Variants in SLC26A7 observed in about 807,000 individuals in gnomAD.
SLC26A7 encodes solute carrier family 26 member 7.
A neutral mutation model predicts 82.5 loss-of-function variants in SLC26A7; 59 were observed. The observed-to-expected ratio is 0.72, with a 90% CI of 0.58 to 0.89. The LOEUF (loss-of-function observed/expected upper bound fraction) is 0.89, where lower values mean the gene tolerates loss of function less well. Ranked by LOEUF, SLC26A7 falls within the 40% of genes least tolerant of loss-of-function variation. The pLI is 0.00. For synonymous variants in SLC26A7, 271 were observed against 274.3 expected, an observed-to-expected ratio of 0.99 and a Z score of 0.12; for missense variants, 820 against 793.0, an observed-to-expected ratio of 1.03 and a Z score of -0.41.
chr8:91,267,656 G>A (rs1418800930), intron 2 of SLC26A7, among the ~76,000 whole-genome samples: 8 of 151,324 alleles, frequency 5.3e-5, no homozygotes, highest in Non-Finnish European at 1.0e-4. Context: ...TTTCTGCTTG[G>A]TTAATCTAGC....
At chr8:91,271,308 G>T (rs997004254) in intron 2 of SLC26A7, among the ~76,000 whole-genome samples, 1 of 151,994 alleles carries the variant, frequency 6.6e-6, no homozygotes, top group Non-Finnish European at 1.5e-5. Flanking sequence ...ATATTCTCTT[G>T]TATACACCAT....
intron 2 of SLC26A7, among the ~76,000 whole-genome samples, chr8:91,234,819 ACCTACCTACTTCCTTCCTTC>A (rs1387828356): frequency 3.8e-5 from 4 of 104,386 alleles, no homozygotes; most frequent in African/African-American, 4.8e-5. Context: ...CTACCTACCT[ACCTACCTACTTCCTTCCTTC>A]CTTCCTTCCT....
intron 5 of SLC26A7, among the ~76,000 whole-genome samples, chr8:91,324,658 A>G (rs1056105353): frequency 6.6e-6 from 1 of 152,204 alleles, no homozygotes; most frequent in African/African-American, 2.4e-5. Flanking sequence ...TTATTGAAAC[A>G]CTGAGGAGGG....
At chr8:91,266,481 T>C (rs1490215189) in intron 2 of SLC26A7, among the ~76,000 whole-genome samples, 2 of 152,010 alleles carry the variant, frequency 1.3e-5, no homozygotes, top group Non-Finnish European at 2.9e-5. Flanking sequence ...TATTTTATTT[T>C]ATTTTTGTAG....
In SLC26A7 at chr8:91,395,088, T is replaced by C. The variant is rs1286827518; in HGVS notation, c.1962T>C (p.Ser654=). The change falls in exon 19 of 19, where the codon AGT becomes AGC. Residue 654 remains serine (S), a synonymous_variant. Transcript: ENST00000276609. ...NKNLSKLSDH[S]EV is the part of the protein sequence containing the mutation. ...ATTTGAGCAAACTCAGTGACCACAG[T>C]GAAGTCTGAGACCCTTTTGTCACAG... is the stretch of plus-strand genomic sequence containing the variant. The C allele has an allele frequency of 3.1e-6, 5 of 1,613,338 alleles. No homozygotes were observed. The African/African-American group carries it at 6.7e-5, about 22-fold the overall frequency.
At chr8:91,338,072 A>T in intron 6 of SLC26A7, 78 bp from the exon 7 acceptor site, 1 of 875,276 alleles carries the variant, frequency 1.1e-6, no homozygotes, top group Non-Finnish European at 1.7e-6. Context: ...AACAATGTTT[A>T]CTTTTAAAAA....
Position 91,363,518 on chromosome 8 carries a change from G to A in SLC26A7, c.1468G>A (p.Val490Met), listed in dbSNP as rs145295424. The change falls in exon 13 of 19, where the codon GTG becomes ATG. Residue 490 changes from valine to methionine, a missense_variant. Val to Met is a conservative substitution (Grantham distance 21, BLOSUM62 1). Transcript: ENST00000276609. Reference protein sequence around the residue: ...IKNMKEMEFKVKTEMDSETLQ... With the variant: ...IKNMKEMEFKMKTEMDSETLQ... The stretch of plus-strand genomic sequence containing the variant: ...AAATATGAAAGAAATGGAATTTAAA[G>A]TGAAGACAGAAATGGACAGTGTAAG... 4 of 1,501,022 alleles carry A rather than the reference G, an allele frequency of 2.7e-6. No individual in the cohort carries two copies. Among genetic ancestry groups the A allele is most frequent in the African/African-American group, 2.8e-5 (2 of 71,376 alleles). 93.0% of individuals were successfully genotyped at this position (1,501,022 alleles called of 1,614,324 possible).
intron 14 of SLC26A7, among the ~76,000 whole-genome samples, chr8:91,367,460 C>G (rs1007178484): frequency 2.6e-5 from 4 of 152,124 alleles, no homozygotes; most frequent in Admixed American, 2.6e-4. Flanking sequence ...TTTATACTGT[C>G]AATTAACAGT....
intron 4 of SLC26A7, among the ~76,000 whole-genome samples, chr8:91,306,498 T>G (rs1197648655): frequency 6.6e-6 from 1 of 152,106 alleles, no homozygotes; most frequent in Non-Finnish European, 1.5e-5. Context: ...GTGGAGAGGA[T>G]TTTCTTTTCT....
intron 2 of SLC26A7, among the ~76,000 whole-genome samples, chr8:91,275,347 G>T (rs1811379604): frequency 6.6e-6 from 1 of 152,142 alleles, no homozygotes; most frequent in Admixed American, 6.5e-5. Context: ...TGCCCAGGCT[G>T]GAGTGCAGAG....
chr8:91,397,920 A>G lies in SLC26A7; in HGVS notation c.*2823A>G, dbSNP rs561379964. ...TTGTGGGATGATAATCTAATTCAGT[A>G]TAGAATATGCTGTTTGGCAATGAGT... is the stretch of plus-strand genomic sequence containing the variant. On this transcript the variant is annotated 3_prime_UTR_variant, in exon 19 of 19. Transcript: ENST00000276609. The G allele has an allele frequency of 6.5e-4, 99 of 152,676 alleles. 1 individual carries two copies. Among genetic ancestry groups the G allele is most frequent in the African/African-American group, 2.4e-3 (98 of 41,578 alleles). 9.5% of individuals were successfully genotyped at this position (152,676 alleles called of 1,614,324 possible). A position where few individuals can be genotyped will look rare whatever the true frequency, so the allele number is the denominator to read the frequency against.
At chr8:91,228,701 A>G (rs1331679466) in intron 2 of SLC26A7, among the ~76,000 whole-genome samples, 2 of 152,332 alleles carry the variant, frequency 1.3e-5, no homozygotes, top group East Asian at 3.9e-4. Context: ...GTAAAATTAG[A>G]AAAAGCCTCC....
intron 2 of SLC26A7, among the ~76,000 whole-genome samples, chr8:91,227,575 G>A (rs374712804): frequency 9.2e-5 from 14 of 152,116 alleles, no homozygotes; most frequent in Non-Finnish European, 1.9e-4. Flanking sequence ...TCAATATTAC[G>A]AACAACTTTT....
At chr8:91,271,590 C>CTT (rs67904308) in intron 2 of SLC26A7, among the ~76,000 whole-genome samples, 1,707 of 113,590 alleles carry the variant, frequency 0.015, 35 homozygotes, top group African/African-American at 0.036. Context: ...CTAGAGAAAT[C>CTT]TTTTTTTTTT....
intron 2 of SLC26A7, among the ~76,000 whole-genome samples, chr8:91,220,821 A>G (rs975268613): frequency 5.3e-5 from 8 of 152,186 alleles, no homozygotes; most frequent in Non-Finnish European, 7.3e-5. Context: ...ATACGTGTGC[A>G]TGTGTCTTTA....
chr8:91,269,867 G>A (rs764865563), intron 2 of SLC26A7, among the ~76,000 whole-genome samples: 1 of 151,966 alleles, frequency 6.6e-6, no homozygotes. Context: ...CAAATCTACT[G>A]TGGAAGCTTT....
At position 91,312,641 on chromosome 8, in the gene SLC26A7, CTGTGTGTGTGTG is replaced by C. The variant is rs56386837; in HGVS notation, c.478-5553_478-5542del. Among the ~76,000 whole-genome samples, 255 of 149,652 alleles carry C rather than the reference CTGTGTGTGTGTG, an allele frequency of 1.7e-3. 1 individual carries two copies. Among genetic ancestry groups the C allele is most frequent in the African/African-American group, 5.8e-3 (235 of 40,856 alleles). ...TTTCTGTGTGTGTATGTAGGTGTGT[CTGTGTGTGTGTG>C]TGTGTGTGTGTGTGTGTGTGTTTGA... On this transcript the variant is annotated intron_variant, in intron 4 of 18. Coordinates refer to ENST00000276609, the MANE Select transcript of SLC26A7 (RefSeq NM_052832.4).
chr8:91,330,103 A>G (rs924203080), intron 5 of SLC26A7, among the ~76,000 whole-genome samples: 1 of 152,046 alleles, frequency 6.6e-6, no homozygotes, highest in East Asian at 1.9e-4. Context: ...GACCCCTAAT[A>G]CGTTTATTAA....
At chr8:91,369,354 G>C (rs1191941150) in intron 14 of SLC26A7, among the ~76,000 whole-genome samples, 2 of 122,296 alleles carry the variant, frequency 1.6e-5, no homozygotes, top group Non-Finnish European at 3.3e-5. Flanking sequence ...AAGATTAACT[G>C]TAGGATACAG....
Sources: gnomAD v4.1 joint callset for allele counts (sites outside exome capture counted in the v4.1 genomes callset) on GRCh38, gnomAD v4.1.1 for gene constraint, MANE v1.5 for transcripts, NCBI Gene and HGNC (gene_info 2026-07-23, HGNC 2026-07-21) for gene names.